Variants in FHOD3 observed in about 807,000 individuals in gnomAD.
FHOD3 encodes the protein FH1/FH2 domain-containing protein 3.
Under a neutral mutation model 173.0 loss-of-function variants are expected in FHOD3, and 90 were observed. The ratio of observed to expected loss-of-function variants is 0.52; its 90% CI spans 0.44 to 0.62. The LOEUF is 0.62. Among genes scored for constraint, FHOD3 ranks in the 20% least tolerant of loss-of-function variants. The pLI, the probability that FHOD3 is intolerant of heterozygous loss-of-function variation, is 0.00. For missense variants in FHOD3, 1,945 were observed against 2,034.7 expected (o/e 0.96, Z 0.85); for synonymous variants, 828 against 823.0 (o/e 1.01, Z -0.10).
At chr18:36,304,637 G>A (rs917987047) in intron 1 of FHOD3, among the ~76,000 whole-genome samples, 2 of 152,054 alleles carry the variant, frequency 1.3e-5, no homozygotes, top group East Asian at 1.9e-4. Context: ...AAAAACAAGT[G>A]TAGGGCATCT....
At chr18:36,299,177 C>T (rs1160657306) in intron 1 of FHOD3, among the ~76,000 whole-genome samples, 1 of 152,168 alleles carries the variant, frequency 6.6e-6, no homozygotes, top group Non-Finnish European at 1.5e-5. Context: ...TGTATCAGTG[C>T]TTTCCTCCTC....
rs2044630135 is a variant in FHOD3, at chr18:36,325,610, T to A, written c.165+27610T>A. Reference sequence around the variant, plus strand: ...ACTAGAGCTCCACCATCTTGCTTTATCCATAATAGATGGTGCTAGCGGTGG... The same window carrying A: ...ACTAGAGCTCCACCATCTTGCTTTAACCATAATAGATGGTGCTAGCGGTGG... On this transcript the variant is annotated intron_variant, in intron 1 of 28. Coordinates refer to ENST00000590592, the MANE Select transcript of FHOD3 (RefSeq NM_001281740.3). 2.0e-5 allele frequency among the ~76,000 whole-genome samples: 3 copies of A among 152,190 alleles called. No individual in the cohort carries two copies. The South Asian group carries it at 6.2e-4, about 32-fold the overall frequency.
Position 36,514,344 on chromosome 18 carries a change from T to G in FHOD3, c.511+1801T>G, listed in dbSNP as rs56842761. Among the ~76,000 whole-genome samples, 349 of 152,246 alleles carry G rather than the reference T, an allele frequency of 2.3e-3. 1 individual carries two copies. Among genetic ancestry groups the G allele is most frequent in the African/African-American group, 8.0e-3 (332 of 41,540 alleles). On this transcript the variant is annotated intron_variant, in intron 5 of 28. Coordinates refer to ENST00000590592, the MANE Select transcript of FHOD3 (RefSeq NM_001281740.3). ...ATAATATAAACATTTATATCAAAGC[T>G]GTTGTGCCATGTTGCATCTAATCGC...
chr18:36,630,390 T>G (rs1301141625), intron 10 of FHOD3, among the ~76,000 whole-genome samples: 1 of 152,196 alleles, frequency 6.6e-6, no homozygotes, highest in Non-Finnish European at 1.5e-5. Flanking sequence ...TGATTTTAAG[T>G]CCGTTTAGCA....
chr18:36,667,256 A>T (rs754951047), intron 14 of FHOD3, among the ~76,000 whole-genome samples: 2 of 152,212 alleles, frequency 1.3e-5, no homozygotes, highest in Non-Finnish European at 2.9e-5. Context: ...TTCTGAGAAA[A>T]GCAGTGTTGG....
intron 28 of FHOD3, chr18:36,778,507 T>C (rs2043854621): frequency 6.6e-6 from 1 of 152,210 alleles, no homozygotes; most frequent in African/African-American, 2.4e-5. Flanking sequence ...AAGACTTGTC[T>C]TGGGTGAGGC....
At chr18:36,537,869 C>G (rs1167326613) in intron 5 of FHOD3, among the ~76,000 whole-genome samples, 1 of 152,082 alleles carries the variant, frequency 6.6e-6, no homozygotes, top group African/African-American at 2.4e-5. Context: ...AGAACACTTC[C>G]CTCAGTAGCA....
At chr18:36,343,563 C>A (rs1159897872) in intron 1 of FHOD3, among the ~76,000 whole-genome samples, 2 of 152,052 alleles carry the variant, frequency 1.3e-5, no homozygotes, top group African/African-American at 4.8e-5. Flanking sequence ...AGAGTGAGTT[C>A]TTACCCATAT....
intron 17 of FHOD3, among the ~76,000 whole-genome samples, chr18:36,700,417 T>G (rs776723293): frequency 1.3e-5 from 2 of 152,214 alleles, no homozygotes; most frequent in African/African-American, 2.4e-5. Context: ...CCCCACCTGG[T>G]TAAGGCTATC....
At chr18:36,332,272 G>A (rs2045056327) in intron 1 of FHOD3, among the ~76,000 whole-genome samples, 2 of 152,222 alleles carry the variant, frequency 1.3e-5, no homozygotes. Flanking sequence ...GATGTCTGTG[G>A]GGATGTAGGC....
intron 3 of FHOD3, among the ~76,000 whole-genome samples, chr18:36,375,801 G>A (rs908341459): frequency 2.6e-5 from 4 of 152,102 alleles, no homozygotes; most frequent in Admixed American, 2.0e-4. Context: ...GCCGGAGGTT[G>A]GAATGAGATT....
intron 5 of FHOD3, among the ~76,000 whole-genome samples, chr18:36,540,566 G>GT (rs2057168987): frequency 1.3e-5 from 2 of 152,194 alleles, no homozygotes; most frequent in African/African-American, 4.8e-5. Context: ...CTATATCCAG[G>GT]TCTGCTTCTT....
intron 3 of FHOD3, among the ~76,000 whole-genome samples, chr18:36,438,791 C>T (rs543239425): frequency 6.6e-6 from 1 of 152,342 alleles, no homozygotes; most frequent in Admixed American, 6.5e-5. Context: ...TCTTCAGGCT[C>T]ACTCCTCTAG....
At chr18:36,344,987 A>G (rs935733201) in intron 1 of FHOD3, among the ~76,000 whole-genome samples, 11 of 152,342 alleles carry the variant, frequency 7.2e-5, no homozygotes, top group Admixed American at 4.6e-4. Context: ...GTCTGCACCT[A>G]ATAACTGAAA....
chr18:36,499,488 G>C (rs2054915691), intron 3 of FHOD3, among the ~76,000 whole-genome samples: 1 of 152,070 alleles, frequency 6.6e-6, no homozygotes, highest in Admixed American at 6.5e-5. Flanking sequence ...CACTTCTTTG[G>C]GGGTATACAT....
chr18:36,336,540 T>C (rs1050568726), intron 1 of FHOD3, among the ~76,000 whole-genome samples: 5 of 152,224 alleles, frequency 3.3e-5, no homozygotes, highest in South Asian at 2.1e-4. Context: ...CAACCTTAGA[T>C]TGAAAATTAA....
intron 24 of FHOD3, among the ~76,000 whole-genome samples, chr18:36,754,465 T>C (rs1187058301): frequency 6.6e-6 from 1 of 152,116 alleles, no homozygotes; most frequent in East Asian, 1.9e-4. Flanking sequence ...GTTTAATAAT[T>C]TTTGTTTACA....
At chr18:36,600,497 C>T (rs963645985) in intron 7 of FHOD3, among the ~76,000 whole-genome samples, 2 of 152,006 alleles carry the variant, frequency 1.3e-5, no homozygotes, top group African/African-American at 4.8e-5. Flanking sequence ...GATTTTCTGC[C>T]CCAAAACAAT....
intron 14 of FHOD3, among the ~76,000 whole-genome samples, chr18:36,665,935 G>A (rs528010350): frequency 1.3e-5 from 2 of 152,308 alleles, no homozygotes; most frequent in South Asian, 2.1e-4. Flanking sequence ...CCTTTGGGCC[G>A]GAGGACTCAC....
Sources: allele counts gnomAD v4.1 joint callset (sites outside exome capture counted in the v4.1 genomes callset), GRCh38; gene constraint gnomAD v4.1.1; transcripts MANE v1.5; gene names NCBI Gene and HGNC (gene_info 2026-07-23, HGNC 2026-07-21).